AGO3: variants seen among roughly 807,000 people sequenced by gnomAD.
The protein encoded by AGO3 is protein argonaute-3.
In AGO3, 16 loss-of-function variants were observed where a neutral mutation model predicts 105.5. That is an observed-to-expected ratio of 0.15 (90% CI 0.10 to 0.23). The LOEUF is 0.23. AGO3 is among the 10% of genes least tolerant of loss of function. AGO3 has a pLI of 1.00. For missense variants in AGO3, 534 were observed against 1,088.0 expected (o/e 0.49, Z 7.16); for synonymous variants, 340 against 367.3 (o/e 0.93, Z 0.85).
chr1:36,036,683 C>CTTTTA lies in AGO3; in HGVS notation c.1842+435_1842+439dup, dbSNP rs574112774. 3.7e-4 allele frequency among the ~76,000 whole-genome samples: 56 copies of CTTTTA among 152,018 alleles called. 1 individual carries two copies. In the South Asian group the frequency reaches 0.011, roughly 29 times the overall value. On this transcript the variant is annotated intron_variant, in intron 14 of 18. Transcript: ENST00000373191. ...CAGGTCAATACTTTGCACCTGAATT[C>CTTTTA]TTTTATTTTATTTTATTTTATTTAT... is the stretch of plus-strand genomic sequence containing the variant.
chr1:36,023,094 A>C (rs12565715), intron 11 of AGO3, among the ~76,000 whole-genome samples: 13,278 of 152,252 alleles, frequency 0.087, 1,976 homozygotes, highest in East Asian at 0.66. Context: ...ACTGAATCCA[A>C]GTCAGTTAAT....
intron 3 of AGO3, among the ~76,000 whole-genome samples, chr1:35,968,210 G>C (rs1228256191): frequency 2.0e-5 from 3 of 152,034 alleles, no homozygotes; most frequent in Non-Finnish European, 4.4e-5. Flanking sequence ...CTCCTATTGG[G>C]GTATTCTTTT....
intron 5 of AGO3, among the ~76,000 whole-genome samples, chr1:35,981,186 T>C (rs775268146): frequency 6.6e-6 from 1 of 152,230 alleles, no homozygotes; most frequent in Non-Finnish European, 1.5e-5. Context: ...CTGTTGAGTT[T>C]TCTTTGTCAG....
Position 36,059,607 on chromosome 1 carries a change from G to C in AGO3, c.*3862G>C, listed in dbSNP as rs1451279450. 1 of 151,120 alleles carries C rather than the reference G, an allele frequency of 6.6e-6. No homozygotes were observed. The highest frequency in any genetic ancestry group is 1.5e-5 in the Non-Finnish European group (1 of 67,858). The allele number at this position is 151,120 out of a possible 1,614,324, so 9.4% of individuals were successfully genotyped here. ...AGTTGGGAGTTTAATGTATATTCTT[G>C]ATGGTTAATGTGTCTACATAAAGTG... is the stretch of plus-strand genomic sequence containing the variant. On this transcript the variant is annotated 3_prime_UTR_variant, in exon 19 of 19. Transcript: ENST00000373191.
chr1:35,970,072 C>T (rs1380504466), intron 3 of AGO3, among the ~76,000 whole-genome samples: 1 of 152,112 alleles, frequency 6.6e-6, no homozygotes, highest in Non-Finnish European at 1.5e-5. Context: ...TTTATGTTTT[C>T]TCTGCTGCAG....
intron 2 of AGO3, among the ~76,000 whole-genome samples, chr1:35,956,573 G>A (rs943098856): frequency 1.3e-5 from 2 of 151,518 alleles, no homozygotes; most frequent in African/African-American, 4.8e-5. Context: ...AAAGATAGGA[G>A]AACCAGGACA....
intron 17 of AGO3, among the ~76,000 whole-genome samples, chr1:36,045,142 G>A (rs1427809272): frequency 6.6e-6 from 1 of 152,146 alleles, no homozygotes; most frequent in African/African-American, 2.4e-5. Flanking sequence ...AGGTCCAGAG[G>A]AAGTGATGTC....
Position 36,013,989 on chromosome 1 carries a change from C to A in AGO3, c.1347C>A (p.Ile449=). The change falls in exon 11 of 19, where the codon ATC becomes ATA. Residue 449 remains isoleucine (I), a synonymous_variant. Coordinates refer to ENST00000373191, the MANE Select transcript of AGO3 (RefSeq NM_024852.4). ...AACAATTCCACACAGGAGTTGAAAT[C>A]AAAATGTGGGCTATCGCTTGTTTTG... ...RGKQFHTGVE[I]KMWAIACFAT... 6.2e-7 allele frequency: 1 copy of A among 1,613,970 alleles called. No individual in the cohort carries two copies. The highest frequency in any genetic ancestry group is 1.1e-5 in the South Asian group (1 of 91,060).
intron 1 of AGO3, among the ~76,000 whole-genome samples, chr1:35,944,860 G>A (rs1646332295): frequency 6.6e-6 from 1 of 152,016 alleles, no homozygotes; most frequent in Non-Finnish European, 1.5e-5. Flanking sequence ...CCAGACTGGA[G>A]TGCATAATCT....
intron 3 of AGO3, among the ~76,000 whole-genome samples, chr1:35,971,262 T>C (rs2148773994): frequency 6.6e-6 from 1 of 150,762 alleles, no homozygotes; most frequent in East Asian, 1.9e-4. Context: ...TGAGTTCAAA[T>C]GATTCTCGTG....
intron 11 of AGO3, among the ~76,000 whole-genome samples, chr1:36,026,517 C>A (rs1467061212): frequency 1.3e-5 from 2 of 152,156 alleles, no homozygotes; most frequent in Non-Finnish European, 2.9e-5. Flanking sequence ...TCTGGCTCTA[C>A]CATTTGTCTA....
chr1:36,019,244 G>A (rs762627198), intron 11 of AGO3, among the ~76,000 whole-genome samples: 1 of 152,124 alleles, frequency 6.6e-6, no homozygotes, highest in Non-Finnish European at 1.5e-5. Flanking sequence ...TAAGGTTTAG[G>A]AGCATAAGAT....
intron 1 of AGO3, among the ~76,000 whole-genome samples, chr1:35,934,702 G>A (rs1487511219): frequency 2.0e-5 from 3 of 151,994 alleles, no homozygotes; most frequent in Admixed American, 6.6e-5. Flanking sequence ...CTAGGCTGGA[G>A]TGCAGTGGCA....
At chr1:36,006,001 T>C in intron 6 of AGO3, 2 of 711,166 alleles carry the variant, frequency 2.8e-6, no homozygotes, top group Non-Finnish European at 3.4e-6. Context: ...ACCTAGATTT[T>C]GGTCTAATTC....
At chr1:35,972,655 T>C (rs778351074) in intron 4 of AGO3, among the ~76,000 whole-genome samples, 10 of 151,958 alleles carry the variant, frequency 6.6e-5, no homozygotes, top group Non-Finnish European at 1.2e-4. Context: ...TGTGAGCGCA[T>C]GTGTACCCGT....
rs573917837 is a variant in AGO3, at chr1:36,069,028, G to C, written c.*13283G>C. ...TTTGCTCCGTGTCCTTAGGCAATTC[G>C]TTTAATCTCTGTGTGCCTAGTTTCC... On this transcript the variant is annotated 3_prime_UTR_variant, in exon 19 of 19. Coordinates refer to ENST00000373191, the MANE Select transcript of AGO3 (RefSeq NM_024852.4). 1 of 152,202 alleles carries C rather than the reference G, an allele frequency of 6.6e-6. No homozygotes were observed. The highest frequency in any genetic ancestry group is 2.4e-5 in the African/African-American group (1 of 41,440). The allele number at this position is 152,202 out of a possible 1,614,324, so 9.4% of individuals were successfully genotyped here. A position where few individuals can be genotyped will look rare whatever the true frequency, so the allele number is the denominator to read the frequency against.
At chr1:36,041,465 TCTC>T (rs1642248491) in intron 16 of AGO3, among the ~76,000 whole-genome samples, 1 of 152,060 alleles carries the variant, frequency 6.6e-6, no homozygotes, top group Non-Finnish European at 1.5e-5. Flanking sequence ...ACGGTCTCGA[TCTC>T]CTCACTTTGT....
intron 14 of AGO3, 79 bp downstream of exon 14, chr1:36,036,346 A>AT: frequency 7.6e-7 from 1 of 1,324,244 alleles, no homozygotes; most frequent in Non-Finnish European, 1.1e-6. Context: ...TTGAATTTTA[A>AT]TATTTTCTTT....
intron 2 of AGO3, among the ~76,000 whole-genome samples, chr1:35,963,464 G>A (rs908533665): frequency 3.3e-5 from 5 of 152,084 alleles, no homozygotes; most frequent in African/African-American, 1.2e-4. Flanking sequence ...ATAGAAGAAT[G>A]TTCATCAAAC....
Sources: allele counts gnomAD v4.1 joint callset (sites outside exome capture counted in the v4.1 genomes callset), GRCh38; gene constraint gnomAD v4.1.1; transcripts MANE v1.5; gene names NCBI Gene and HGNC (gene_info 2026-07-23, HGNC 2026-07-21).